Variants in CDKL5 observed in about 807,000 individuals in gnomAD.
CDKL5 encodes cyclin dependent kinase like 5.
In CDKL5, 8 loss-of-function variants were observed where a neutral mutation model predicts 61.7. The observed-to-expected ratio is 0.13, with a 90% CI of 0.08 to 0.23. The LOEUF (loss-of-function observed/expected upper bound fraction) is 0.23, where lower values mean the gene tolerates loss of function less well. Among genes scored for constraint, CDKL5 ranks in the 10% least tolerant of loss-of-function variants. The pLI, the probability that CDKL5 is intolerant of heterozygous loss-of-function variation, is 1.00. For synonymous variants in CDKL5, 275 were observed against 272.3 expected (o/e 1.01, Z -0.10); for missense variants, 440 against 734.5 (o/e 0.60, Z 4.63).
At position 18,629,795 on chromosome X, in the gene CDKL5, G is replaced by A. The variant is rs890794862; in HGVS notation, c.*1038G>A. On this transcript the variant is annotated 3_prime_UTR_variant, in exon 18 of 18. Coordinates refer to ENST00000623535, the MANE Select transcript of CDKL5 (RefSeq NM_001323289.2). ...TTGGCTCCTGTTTGTGTCCAGGGACGTTACTTGCACACAGGGGAGAATAGA... is the reference window on the plus strand; with the variant it reads ...TTGGCTCCTGTTTGTGTCCAGGGACATTACTTGCACACAGGGGAGAATAGA... 18 of 752,694 alleles carry A rather than the reference G, an allele frequency of 2.4e-5. No individual in the cohort carries two copies. Among genetic ancestry groups the A allele is most frequent in the Non-Finnish European group, 2.8e-5 (18 of 638,976 alleles). The allele number at this position is 752,694 out of a possible 1,213,427, so 62.0% of individuals were successfully genotyped here. A position where few individuals can be genotyped will look rare whatever the true frequency, so the allele number is the denominator to read the frequency against.
At chrX:18,442,622 T>C (rs1413247264) in intron 1 of CDKL5, among the ~76,000 whole-genome samples, 1 of 110,878 alleles carries the variant, frequency 9.0e-6, no homozygotes, top group East Asian at 2.8e-4. Flanking sequence ...GCCTCCCGAG[T>C]AGCTGGGACT....
chrX:18,599,096 A>G (rs1602283094), intron 11 of CDKL5, among the ~76,000 whole-genome samples: 1 of 112,710 alleles, frequency 8.9e-6, no homozygotes, highest in East Asian at 2.8e-4. Context: ...TCTTCTAATC[A>G]TTGAGTTGAG....
intron 1 of CDKL5, among the ~76,000 whole-genome samples, chrX:18,439,045 G>GCCCCCCCCCCCCCCCCCCCC (rs367844172): frequency 8.0e-5 from 3 of 37,478 alleles, no homozygotes; most frequent in Non-Finnish European, 4.5e-5. Flanking sequence ...GCCCCTTTTT[G>GCCCCCCCCCCCCCCCCCCCC]CCCCCCCCCC....
At chrX:18,541,519 TTTG>T (rs1924021686) in intron 3 of CDKL5, among the ~76,000 whole-genome samples, 1 of 111,917 alleles carries the variant, frequency 8.9e-6, no homozygotes, top group Non-Finnish European at 1.9e-5. Flanking sequence ...ATAAGGTTTT[TTTG>T]TTGTTGTTGT....
chrX:18,559,893 T>C (rs1343826769), intron 3 of CDKL5, among the ~76,000 whole-genome samples: 1 of 106,448 alleles, frequency 9.4e-6, no homozygotes, highest in Admixed American at 1.0e-4. Flanking sequence ...GTTTGGTTTT[T>C]TGTTCTTGCG....
At chrX:18,430,641 C>T (rs1173453019) in intron 1 of CDKL5, among the ~76,000 whole-genome samples, 1 of 110,219 alleles carries the variant, frequency 9.1e-6, no homozygotes, top group Non-Finnish European at 1.9e-5. Context: ...GACGGAGTTT[C>T]ACCGTGTTGC....
At chrX:18,626,201 G>A (rs896697473) in intron 17 of CDKL5, among the ~76,000 whole-genome samples, 1 of 109,518 alleles carries the variant, frequency 9.1e-6, no homozygotes, top group Non-Finnish European at 1.9e-5. Context: ...CCAAGTAGCT[G>A]TGACTATAGG....
chrX:18,532,506 A>G (rs1191181841), intron 3 of CDKL5, among the ~76,000 whole-genome samples: 1 of 111,671 alleles, frequency 9.0e-6, no homozygotes, highest in Non-Finnish European at 1.9e-5. Context: ...TCTAGAGACT[A>G]AGCACGGCTT....
intron 4 of CDKL5, among the ~76,000 whole-genome samples, chrX:18,567,827 G>A (rs1238789742): frequency 8.9e-6 from 1 of 111,754 alleles, no homozygotes; most frequent in Non-Finnish European, 1.9e-5. Flanking sequence ...TGAGGCTGCA[G>A]TGAGCCGTGA....
intron 3 of CDKL5, among the ~76,000 whole-genome samples, chrX:18,552,687 G>T (rs1238013433): frequency 9.0e-6 from 1 of 111,565 alleles, no homozygotes. Context: ...GGAGCCGTGG[G>T]AAGGCTCCTC....
At chrX:18,641,089 T>G (rs2147187991), downstream of CDKL5, 1 of 112,635 alleles carries the variant, frequency 8.9e-6, no homozygotes, top group South Asian at 3.7e-4. Flanking sequence ...CTAATGAGCC[T>G]CCTCTGAGTA....
chrX:18,474,689 A>G (rs1029518216), intron 1 of CDKL5, among the ~76,000 whole-genome samples: 14 of 112,077 alleles, frequency 1.2e-4, no homozygotes, highest in African/African-American at 4.5e-4. Flanking sequence ...TTTGCTGTAC[A>G]GAATTGTGAA....
chrX:18,558,157 G>A (rs904910551), intron 3 of CDKL5, among the ~76,000 whole-genome samples: 10 of 110,807 alleles, frequency 9.0e-5, no homozygotes, highest in African/African-American at 3.3e-4. Context: ...TTAAGGGTGA[G>A]GCATGGAATT....
intron 1 of CDKL5, among the ~76,000 whole-genome samples, chrX:18,451,248 A>G (rs1268395044): frequency 1.8e-5 from 2 of 111,143 alleles, no homozygotes; most frequent in Non-Finnish European, 3.8e-5. Flanking sequence ...CTAGAGTGCA[A>G]TGGCATGATC....
intron 1 of CDKL5, among the ~76,000 whole-genome samples, chrX:18,456,629 T>G (rs1409669459): frequency 9.0e-6 from 1 of 111,587 alleles, no homozygotes; most frequent in Non-Finnish European, 1.9e-5. Context: ...TGAGAGGATT[T>G]GAGAGTAGAT....
intron 1 of CDKL5, among the ~76,000 whole-genome samples, chrX:18,431,329 A>G (rs1198152105): frequency 8.9e-6 from 1 of 112,059 alleles, no homozygotes; most frequent in African/African-American, 3.2e-5. Context: ...GCTGATGAAT[A>G]CTGTAGAGCC....
At chrX:18,642,482 G>A (rs779357174), downstream of CDKL5, among the ~76,000 whole-genome samples, 6 of 109,051 alleles carry the variant, frequency 5.5e-5, no homozygotes, top group Admixed American at 9.5e-5. Context: ...GTGCAGATGT[G>A]AACATTTCCA....
chrX:18,432,512 G>A (rs1231779416), intron 1 of CDKL5, among the ~76,000 whole-genome samples: 1 of 110,564 alleles, frequency 9.0e-6, no homozygotes. Flanking sequence ...AAAGTGCTAG[G>A]ATTACAGGTG....
intron 1 of CDKL5, among the ~76,000 whole-genome samples, chrX:18,462,606 A>G (rs942294379): frequency 8.9e-6 from 1 of 112,010 alleles, no homozygotes; most frequent in Non-Finnish European, 1.9e-5. Flanking sequence ...AGAGACCTTG[A>G]TTGAGTACTA....
Sources: gnomAD v4.1 joint callset for allele counts (sites outside exome capture counted in the v4.1 genomes callset) on GRCh38, gnomAD v4.1.1 for gene constraint, MANE v1.5 for transcripts, NCBI Gene and HGNC (gene_info 2026-07-23, HGNC 2026-07-21) for gene names.